FLYWCH1: variants seen among roughly 807,000 people sequenced by gnomAD.
FLYWCH1 encodes FLYWCH-type zinc finger-containing protein 1.
In FLYWCH1, 75 loss-of-function variants were observed where a neutral mutation model predicts 66.4. That is an observed-to-expected ratio of 1.13 (90% confidence interval 0.94 to 1.37). The LOEUF (loss-of-function observed/expected upper bound fraction) is 1.37, where lower values mean the gene tolerates loss of function less well. FLYWCH1 is among the 40% of genes most tolerant of loss of function. The probability of loss-of-function intolerance (pLI) is 0.00; values close to 1 mark genes in which losing one functional copy is unlikely to be tolerated. For missense variants in FLYWCH1, 1,334 were observed against 1,001.8 expected (o/e 1.33, Z -4.48); for synonymous variants, 595 against 429.9 (o/e 1.38, Z -4.75).
rs746720365 is a variant in FLYWCH1 at position 2,948,803 on chromosome 16, T to C, written c.*76T>C. ...TCCACACAGGCACTTCCCATCCACC[T>C]AGGTTTGGCTTAGCAGAAACTTCTT... On this transcript the variant is annotated 3_prime_UTR_variant, in exon 10 of 10. Coordinates refer to ENST00000253928, the MANE Select transcript of FLYWCH1 (RefSeq NM_001308068.2). 6.6e-6 allele frequency: 9 copies of C among 1,367,180 alleles called. No homozygotes were observed. The African/African-American group carries it at 1.3e-4, about 20-fold the overall frequency. 84.7% of individuals were successfully genotyped at this position (1,367,180 alleles called of 1,614,324 possible).
At chr16:2,936,395 C>A in intron 6 of FLYWCH1, 1 of 456,520 alleles carries the variant, frequency 2.2e-6, no homozygotes, top group Non-Finnish European at 4.4e-6. Flanking sequence ...TCCACATGGC[C>A]CCTGCCCAGC....
rs1322629279 is a variant in FLYWCH1 at position 2,933,849 on chromosome 16, C to T, written c.1383C>T (p.Arg461=). ...TCRDQARMGC[R]SRAITQGRRV... ...GGGACCAGGCCCGCATGGGCTGCCG[C>T]AGCCGCGCCATCACCCAGGGCCGAC... is the stretch of plus-strand genomic sequence containing the variant. The change falls in exon 6 of 10, where the codon CGC becomes CGT. Residue 461 remains arginine, a synonymous_variant. Transcript: ENST00000253928. The T allele has an allele frequency of 9.4e-6, 15 of 1,603,566 alleles. No individual in the cohort carries two copies. The highest frequency in any genetic ancestry group is 2.3e-5 in the East Asian group (1 of 44,298).
At chr16:2,921,762 A>G (rs2070382783) in intron 2 of FLYWCH1, among the ~76,000 whole-genome samples, 2 of 151,932 alleles carry the variant, frequency 1.3e-5, no homozygotes, top group African/African-American at 4.8e-5. Flanking sequence ...CTAAAATAAA[A>G]AATAAAAGGT....
rs2071607522 is a variant in FLYWCH1 at position 2,949,297 on chromosome 16, T to TAC, written c.*570_*571insAC. 6.5e-6 allele frequency: 1 copy of TAC among 153,022 alleles called. No individual in the cohort carries two copies. Among genetic ancestry groups the TAC allele is most frequent in the South Asian group, 2.0e-4 (1 of 4,880 alleles). The allele number at this position is 153,022 out of a possible 1,614,324, so 9.5% of individuals were successfully genotyped here. A position where few individuals can be genotyped will look rare whatever the true frequency, so the allele number is the denominator to read the frequency against. ...TGTGGCCATCCCCAGCAACCGGAGC[T>TAC]GGCCAAACCAGAGGCCTCGCTCCGC... On this transcript the variant is annotated 3_prime_UTR_variant, in exon 10 of 10. Transcript: ENST00000253928.
intron 3 of FLYWCH1, 90 bp downstream of exon 3, chr16:2,930,100 C>A: frequency 8.7e-7 from 1 of 1,149,590 alleles, no homozygotes; most frequent in South Asian, 1.5e-5. Context: ...AGCATAGTGT[C>A]TTGTCCTTGC....
At chr16:2,916,691 C>G (rs1045327862) in intron 2 of FLYWCH1, among the ~76,000 whole-genome samples, 2 of 151,864 alleles carry the variant, frequency 1.3e-5, no homozygotes, top group Non-Finnish European at 2.9e-5. Context: ...TTTAAAAATT[C>G]GTTGTTTGAT....
intron 2 of FLYWCH1, among the ~76,000 whole-genome samples, chr16:2,928,258 A>G (rs1186363722): frequency 3.9e-5 from 6 of 152,216 alleles, no homozygotes; most frequent in Non-Finnish European, 5.9e-5. Flanking sequence ...TCTTACCTCA[A>G]CAGCAAAGAG....
chr16:2,941,268 C>G (rs2071250342), intron 9 of FLYWCH1, among the ~76,000 whole-genome samples: 1 of 149,102 alleles, frequency 6.7e-6, no homozygotes, highest in South Asian at 2.1e-4. Flanking sequence ...GTTGGGGCAA[C>G]AGAGCATGAC....
chr16:2,916,636 CAAAAA>C (rs779734463), intron 2 of FLYWCH1, among the ~76,000 whole-genome samples: 2 of 150,696 alleles, frequency 1.3e-5, no homozygotes, highest in African/African-American at 4.9e-5. Flanking sequence ...GACTCCATCT[CAAAAA>C]AACAAAACAA....
intron 9 of FLYWCH1, among the ~76,000 whole-genome samples, chr16:2,947,528 A>C (rs1276375097): frequency 3.9e-5 from 6 of 152,218 alleles, no homozygotes; most frequent in African/African-American, 1.4e-4. Context: ...TGGGAGGCTG[A>C]GGAAGGTGGA....
chr16:2,931,080 G>A (rs1299360285), intron 4 of FLYWCH1, among the ~76,000 whole-genome samples, 200 bp downstream of exon 4: 10 of 152,182 alleles, frequency 6.6e-5, no homozygotes, highest in South Asian at 6.2e-4. Context: ...CAAGGCGGAC[G>A]GATCATGAGG....
At chr16:2,945,769 G>A (rs1281670089) in intron 9 of FLYWCH1, among the ~76,000 whole-genome samples, 1 of 152,036 alleles carries the variant, frequency 6.6e-6, no homozygotes, top group Non-Finnish European at 1.5e-5. Flanking sequence ...AGGCCAAGGT[G>A]GGCAGATCAT....
rs374037586 is a variant in FLYWCH1 at position 2,930,556 on chromosome 16, C to T, written c.472C>T (p.Arg158Trp). ...RQHAELGCRGRAITRGLRATV... is the reference protein window; with the variant it reads ...RQHAELGCRGWAITRGLRATV... The stretch of plus-strand genomic sequence containing the variant: ...ACATGCTGAGCTGGGCTGCCGGGGC[C>T]GGGCCATCACCCGAGGCCTGCGGGC... The change falls in exon 4 of 10, where the codon CGG becomes TGG. Residue 158 changes from arginine (R) to tryptophan (W), a missense_variant. Arg to Trp is a moderately radical substitution (Grantham distance 101, BLOSUM62 -3). Coordinates refer to ENST00000253928, the MANE Select transcript of FLYWCH1 (RefSeq NM_001308068.2). 7.7e-5 allele frequency: 119 copies of T among 1,551,916 alleles called. No homozygotes were observed. Among genetic ancestry groups the T allele is most frequent in the East Asian group, 2.2e-4 (9 of 41,686 alleles).
intron 3 of FLYWCH1, 43 bp from the exon 4 acceptor site, chr16:2,930,367 G>A (rs1366409184): frequency 1.9e-5 from 24 of 1,279,080 alleles, no homozygotes; most frequent in Non-Finnish European, 2.4e-5. Flanking sequence ...GCGACCCTGA[G>A]CTTTGCTCTA....
chr16:2,914,908 C>CAAAAA (rs555910638), intron 2 of FLYWCH1, among the ~76,000 whole-genome samples: 1 of 72,704 alleles, frequency 1.4e-5, no homozygotes. Context: ...GACTCTGTCT[C>CAAAAA]AAAAAAAAAA....
At chr16:2,937,828 T>TAGGCTGAGGGGC (rs1359595766) in intron 7 of FLYWCH1, among the ~76,000 whole-genome samples, 2 of 151,640 alleles carry the variant, frequency 1.3e-5, no homozygotes, top group African/African-American at 4.9e-5. Context: ...GGCTGAGGGG[T>TAGGCTGAGGGGC]AGGTGGACAG....
intron 7 of FLYWCH1, 141 bp from the exon 8 acceptor site, chr16:2,938,043 G>T: frequency 1.3e-6 from 1 of 798,918 alleles, no homozygotes. Context: ...GGCCCAGAGG[G>T]GAGGAGGGCA....
chr16:2,917,730 T>C (rs1482618317), intron 2 of FLYWCH1, among the ~76,000 whole-genome samples: 4 of 152,148 alleles, frequency 2.6e-5, no homozygotes, highest in Non-Finnish European at 5.9e-5. Flanking sequence ...GTTCACAGTC[T>C]ATCAGTATCA....
At position 2,926,104 on chromosome 16, in the gene FLYWCH1, C is replaced by T. The variant is rs2070557792; in HGVS notation, c.-73-3509C>T. 2.0e-5 allele frequency among the ~76,000 whole-genome samples: 3 copies of T among 152,194 alleles called. No individual in the cohort carries two copies. In the South Asian group the frequency reaches 6.2e-4, roughly 32 times the overall value. ...GCCCCCAGGTCCCTGCCCCATTCCC[C>T]ATTATTTGCCCTTTCTGCCTCTCCA... On this transcript the variant is annotated intron_variant, in intron 2 of 9. Transcript: ENST00000253928.
Sources: gnomAD v4.1 joint callset for allele counts (sites outside exome capture counted in the v4.1 genomes callset) on GRCh38, gnomAD v4.1.1 for gene constraint, MANE v1.5 for transcripts, NCBI Gene and HGNC (gene_info 2026-07-23, HGNC 2026-07-21) for gene names.